The following NEDD4L variants were observed in gnomAD, a reference collection of about 807,000 sequenced individuals.
NEDD4L encodes NEDD4 like E3 ubiquitin protein ligase, also known as E3 ubiquitin-protein ligase NEDD4-like.
In NEDD4L, 54 loss-of-function variants were observed where a neutral mutation model predicts 148.9. That is an observed-to-expected ratio of 0.36 (90% confidence interval 0.29 to 0.45). The LOEUF (loss-of-function observed/expected upper bound fraction) is 0.45. Ranked by LOEUF, NEDD4L falls within the 20% of genes least tolerant of loss-of-function variation. The pLI, the probability that NEDD4L is intolerant of heterozygous loss-of-function variation, is 1.00. For missense variants in NEDD4L, 856 were observed against 1,233.8 expected (o/e 0.69, Z 4.59); for synonymous variants, 433 against 440.7 (o/e 0.98, Z 0.22).
chr18:58,089,094 C>T (rs553674692), intron 1 of NEDD4L, among the ~76,000 whole-genome samples: 9 of 151,208 alleles, frequency 6.0e-5, no homozygotes, highest in African/African-American at 2.2e-4. Context: ...TCATATGTAC[C>T]ACGTTTCTAC....
intron 2 of NEDD4L, among the ~76,000 whole-genome samples, chr18:58,199,392 T>C (rs769184468): frequency 4.6e-5 from 7 of 152,146 alleles, no homozygotes; most frequent in Non-Finnish European, 8.8e-5. Context: ...AAGCATCTAG[T>C]GTGTAGAGGC....
rs988672698 is a variant in NEDD4L at position 58,330,679 on chromosome 18, G to A, written c.814-59G>A. On this transcript the variant is annotated intron_variant, in intron 10 of 30. Coordinates refer to ENST00000400345, the MANE Select transcript of NEDD4L (RefSeq NM_001144967.3). Reference sequence around the variant, plus strand: ...ATTGTTGTTACATGGTTTCATTGGGGAGCTGGGTGGATCCCTACTTCTTTC... The same window carrying A: ...ATTGTTGTTACATGGTTTCATTGGGAAGCTGGGTGGATCCCTACTTCTTTC... 3.0e-6 allele frequency: 4 copies of A among 1,335,522 alleles called. No individual in the cohort carries two copies. The African/African-American group carries it at 6.4e-5, about 22-fold the overall frequency. The allele number at this position is 1,335,522 out of a possible 1,614,324, so 82.7% of individuals were successfully genotyped here. A position where few individuals can be genotyped will look rare whatever the true frequency, so the allele number is the denominator to read the frequency against.
At chr18:58,235,144 A>T (rs2045853978) in intron 2 of NEDD4L, among the ~76,000 whole-genome samples, 1 of 152,000 alleles carries the variant, frequency 6.6e-6, no homozygotes, top group Non-Finnish European at 1.5e-5. Context: ...AGTGGCAAAG[A>T]GGTTGATGCT....
chr18:58,134,166 A>G (rs1304295785), intron 1 of NEDD4L, among the ~76,000 whole-genome samples: 1 of 151,658 alleles, frequency 6.6e-6, no homozygotes, highest in African/African-American at 2.4e-5. Context: ...ATGCCCAGCT[A>G]TTTTTTGTAT....
chr18:58,118,630 G>A (rs1037878389), intron 1 of NEDD4L, among the ~76,000 whole-genome samples: 2 of 151,964 alleles, frequency 1.3e-5, no homozygotes, highest in African/African-American at 4.8e-5. Flanking sequence ...GTATGTGTCT[G>A]TGTGTGTGTG....
At chr18:58,285,560 G>A (rs1292251275) in intron 5 of NEDD4L, among the ~76,000 whole-genome samples, 1 of 152,140 alleles carries the variant, frequency 6.6e-6, no homozygotes, top group African/African-American at 2.4e-5. Flanking sequence ...TGAGTTTCAG[G>A]TTAGGCTTAT....
At position 58,171,860 on chromosome 18, in the gene NEDD4L, G is replaced by A. The variant is rs75799145; in HGVS notation, c.122+5999G>A. ...AATGAGCATAGAGAGAAGAGGTTAAGGGAAGCAAGCTCAAGAGTGGGCTCA... is the reference window on the plus strand; with the variant it reads ...AATGAGCATAGAGAGAAGAGGTTAAAGGAAGCAAGCTCAAGAGTGGGCTCA... On this transcript the variant is annotated intron_variant, in intron 2 of 30. Transcript: ENST00000400345. Among the ~76,000 whole-genome samples the A allele has an allele frequency of 6.2e-3, 948 of 152,320 alleles. 14 individuals carry two copies. The highest frequency in any genetic ancestry group is 0.022 in the African/African-American group (895 of 41,566).
At chr18:58,306,785 C>A (rs976533753) in intron 5 of NEDD4L, among the ~76,000 whole-genome samples, 1 of 152,102 alleles carries the variant, frequency 6.6e-6, no homozygotes, top group Non-Finnish European at 1.5e-5. Context: ...GCCACCACGC[C>A]CGGCTAATTT....
At chr18:58,120,854 C>T (rs1349782360) in intron 1 of NEDD4L, among the ~76,000 whole-genome samples, 1 of 152,110 alleles carries the variant, frequency 6.6e-6, no homozygotes, top group East Asian at 1.9e-4. Context: ...TGTAATCCCC[C>T]CCTCACTCCC....
At chr18:58,206,254 T>C (rs969084119) in intron 2 of NEDD4L, among the ~76,000 whole-genome samples, 2 of 152,086 alleles carry the variant, frequency 1.3e-5, no homozygotes, top group Non-Finnish European at 2.9e-5. Context: ...CCAGGCATGG[T>C]GGTATATGCC....
intron 2 of NEDD4L, chr18:58,227,842 T>A: frequency 1.8e-5 from 18 of 977,802 alleles, no homozygotes; most frequent in Non-Finnish European, 2.2e-5. Context: ...TCTGCTCCAT[T>A]GCTGTTGAAC....
intron 18 of NEDD4L, among the ~76,000 whole-genome samples, chr18:58,353,021 T>A (rs1337961752): frequency 6.6e-6 from 1 of 152,234 alleles, no homozygotes; most frequent in Non-Finnish European, 1.5e-5. Context: ...TGATACTTGG[T>A]GACTTGAAAT....
intron 5 of NEDD4L, among the ~76,000 whole-genome samples, chr18:58,310,963 T>C (rs148907716): frequency 2.6e-5 from 4 of 152,364 alleles, no homozygotes; most frequent in Admixed American, 1.3e-4. Flanking sequence ...GTCTGACTTA[T>C]GTTCTAAATT....
intron 4 of NEDD4L, among the ~76,000 whole-genome samples, chr18:58,250,291 A>G (rs1375931922): frequency 6.6e-6 from 1 of 152,122 alleles, no homozygotes; most frequent in Non-Finnish European, 1.5e-5. Context: ...CTGGGACTAT[A>G]GGCCCGTACC....
intron 19 of NEDD4L, among the ~76,000 whole-genome samples, chr18:58,363,119 C>T (rs2045688200): frequency 6.6e-6 from 1 of 152,166 alleles, no homozygotes; most frequent in South Asian, 2.1e-4. Flanking sequence ...TCTGGAATTA[C>T]AGAGCAAAAC....
At chr18:58,091,675 C>A (rs924197245) in intron 1 of NEDD4L, 7 of 152,300 alleles carry the variant, frequency 4.6e-5, no homozygotes, top group Middle Eastern at 3.4e-3. Context: ...ATTTGATTCT[C>A]AAAAAGGTTT....
intron 18 of NEDD4L, among the ~76,000 whole-genome samples, chr18:58,354,746 G>A (rs1366113413): frequency 1.3e-5 from 2 of 152,226 alleles, no homozygotes; most frequent in Non-Finnish European, 2.9e-5. Flanking sequence ...GATATTTCAG[G>A]TGTTAGAGGA....
intron 1 of NEDD4L, among the ~76,000 whole-genome samples, chr18:58,093,704 T>G (rs1336780161): frequency 6.6e-6 from 1 of 152,204 alleles, no homozygotes; most frequent in Non-Finnish European, 1.5e-5. Flanking sequence ...AATGCAGTGG[T>G]CAAATATTGC....
chr18:58,198,272 T>C (rs1333284545), intron 2 of NEDD4L, among the ~76,000 whole-genome samples: 1 of 152,218 alleles, frequency 6.6e-6, no homozygotes. Context: ...AAAAATTGGA[T>C]GGCACCGTCC....
Sources: allele counts gnomAD v4.1 joint callset (sites outside exome capture counted in the v4.1 genomes callset), GRCh38; gene constraint gnomAD v4.1.1; transcripts MANE v1.5; gene names NCBI Gene and HGNC (gene_info 2026-07-23, HGNC 2026-07-21).